CCNL2: variants seen among roughly 807,000 people sequenced by gnomAD.
CCNL2 encodes cyclin L2.
Under a neutral mutation model 59.1 loss-of-function variants are expected in CCNL2, and 28 were observed. The observed-to-expected ratio is 0.47, with a 90% CI of 0.35 to 0.65. The LOEUF (loss-of-function observed/expected upper bound fraction) is 0.65. CCNL2 is among the 30% of genes least tolerant of loss of function. CCNL2 has a pLI of 0.00. For synonymous variants in CCNL2, 342 were observed against 288.6 expected (o/e 1.19, Z -1.88); for missense variants, 714 against 717.4 (o/e 1.00, Z 0.05).
intron 1 of CCNL2, 64 bp downstream of exon 1, chr1:1,398,955 G>A: frequency 6.7e-7 from 1 of 1,495,028 alleles, no homozygotes; most frequent in African/African-American, 1.4e-5. Flanking sequence ...CCGACTCGCC[G>A]CCAACAAAGG....
intron 1 of CCNL2, 78 bp downstream of exon 1, chr1:1,398,941 G>C: frequency 6.8e-7 from 1 of 1,475,892 alleles, no homozygotes; most frequent in South Asian, 1.4e-5. Context: ...GGGGCGGTGC[G>C]GGCCCGACTC....
chr1:1,392,378 G>C (rs374736824), intron 5 of CCNL2: 1 of 1,067,998 alleles, frequency 9.4e-7, no homozygotes, highest in African/African-American at 1.7e-5. Context: ...TTACCAGAGC[G>C]TGTCATGCAA....
Position 1,398,594 on chromosome 1 carries a change from T to G in CCNL2, c.363+3A>C. ...GGGAATGAAGTGCAGGAGGAAGCCTTACCTCCATGGAGTGCTTCACGAAGG... is the reference window on the plus strand; with the variant it reads ...GGGAATGAAGTGCAGGAGGAAGCCTGACCTCCATGGAGTGCTTCACGAAGG... On this transcript the variant is annotated splice_donor_region_variant and intron_variant, in intron 2 of 10. Transcript: ENST00000400809. The G allele has an allele frequency of 3.1e-6, 5 of 1,613,530 alleles. No individual in the cohort carries two copies. Among genetic ancestry groups the G allele is most frequent in the Non-Finnish European group, 4.2e-6 (5 of 1,179,594 alleles).
At chr1:1,397,302 C>T (rs1471077176) in intron 3 of CCNL2, among the ~76,000 whole-genome samples, 1 of 151,990 alleles carries the variant, frequency 6.6e-6, no homozygotes, top group Admixed American at 6.6e-5. Flanking sequence ...AACAGACTTT[C>T]GTTTTTTTTG....
intron 10 of CCNL2, 69 bp downstream of exon 10, chr1:1,387,708 G>T: frequency 6.8e-7 from 1 of 1,463,332 alleles, no homozygotes; most frequent in Non-Finnish European, 9.4e-7. Context: ...ACCTCAGGGT[G>T]AGAATGATTA....
chr1:1,396,988 C>T (rs1645070536), intron 3 of CCNL2, among the ~76,000 whole-genome samples: 2 of 152,102 alleles, frequency 1.3e-5, no homozygotes, highest in South Asian at 4.1e-4. Flanking sequence ...ACCTCGTGAT[C>T]CACCCGCCTC....
At position 1,390,382 on chromosome 1, in the gene CCNL2, CAGA is replaced by C. The variant is rs750587025; in HGVS notation, c.865-14_865-12del. 12 of 1,612,110 alleles carry C rather than the reference CAGA, an allele frequency of 7.4e-6. No homozygotes were observed. Among genetic ancestry groups the C allele is most frequent in the East Asian group, 2.2e-5 (1 of 44,818 alleles). On this transcript the variant is annotated splice_polypyrimidine_tract_variant and intron_variant, in intron 7 of 10. Transcript: ENST00000400809. ...GTGTGTGAGATCAACCTGCAAAAGC[CAGA>C]AGGTGTCCGTTCAGAACCAGGTGTT...
Position 1,395,501 on chromosome 1 carries a change from G to C in CCNL2, c.487C>G (p.Leu163Val), listed in dbSNP as rs1212918919. 1.2e-6 allele frequency: 2 copies of C among 1,613,970 alleles called. No homozygotes were observed. The highest frequency in any genetic ancestry group is 2.7e-5 in the African/African-American group (2 of 74,904). The part of the protein sequence containing the change: ...QLRDKKKPVP[L>V]LLDQDYVNLK... ...TTAACATAATCTTGATCCAGTAGTA[G>C]AGGCACGGGCTTCCTGCCAGAGAGA... Residue 163 changes from leucine (L) to valine (V), a missense_variant, in exon 4 of 11, where the codon CTA becomes GTA. Transcript: ENST00000400809.
intron 5 of CCNL2, chr1:1,392,807 T>C: frequency 1.2e-6 from 2 of 1,612,612 alleles, no homozygotes; most frequent in Non-Finnish European, 1.7e-6. Flanking sequence ...GGCTACCCTT[T>C]GATTGAAAGA....
rs902002011 is a variant in CCNL2 at position 1,385,828 on chromosome 1, T to C, written c.*1403A>G. 6.6e-6 allele frequency: 1 copy of C among 152,180 alleles called. No homozygotes were observed. The highest frequency in any genetic ancestry group is 2.4e-5 in the African/African-American group (1 of 41,442). 9.4% of individuals were successfully genotyped at this position (152,180 alleles called of 1,614,324 possible). A position where few individuals can be genotyped will look rare whatever the true frequency, so the allele number is the denominator to read the frequency against. On this transcript the variant is annotated 3_prime_UTR_variant, in exon 11 of 11. Transcript: ENST00000400809. ...GTGTATGGCCCTTTACTGGTTCTCT[T>C]ACTTCCAGGCACAGGAAGCTAGGGG...
In CCNL2 at chr1:1,387,029, A is replaced by G; in HGVS notation, c.*202T>C. 1.8e-6 allele frequency: 1 copy of G among 558,534 alleles called. No homozygotes were observed. The highest frequency in any genetic ancestry group is 3.2e-6 in the Non-Finnish European group (1 of 316,130). The allele number at this position is 558,534 out of a possible 1,614,324, so 34.6% of individuals were successfully genotyped here. ...TGCGCCGCACCCCAGACCGGTCTGAAGCACGTGTCACCGGTCCCTCAGTTC... is the reference window on the plus strand; with the variant it reads ...TGCGCCGCACCCCAGACCGGTCTGAGGCACGTGTCACCGGTCCCTCAGTTC... On this transcript the variant is annotated 3_prime_UTR_variant, in exon 11 of 11. Coordinates refer to ENST00000400809, the MANE Select transcript of CCNL2 (RefSeq NM_030937.6).
chr1:1,392,630 C>G, intron 5 of CCNL2: 1 of 1,463,356 alleles, frequency 6.8e-7, no homozygotes, highest in South Asian at 1.4e-5. Flanking sequence ...GAAGCACAAT[C>G]GTCAGAGAAC....
At chr1:1,392,849 T>C (rs750017885) in intron 5 of CCNL2, 8 of 1,589,244 alleles carry the variant, frequency 5.0e-6, no homozygotes, top group Middle Eastern at 1.7e-4. Context: ...ATAGGTTCTC[T>C]ATTAAACATG....
chr1:1,392,833 G>C, intron 5 of CCNL2: 3 of 1,608,094 alleles, frequency 1.9e-6, no homozygotes, highest in South Asian at 2.2e-5. Flanking sequence ...GAAAAGAAAA[G>C]TCAAAATAGG....
chr1:1,391,078 A>C, intron 5 of CCNL2: 2 of 1,087,048 alleles, frequency 1.8e-6, no homozygotes, highest in Non-Finnish European at 2.4e-6. Flanking sequence ...ACAGAAAGGC[A>C]CAGAAATTAT....
intron 4 of CCNL2, among the ~76,000 whole-genome samples, 159 bp from the exon 5 acceptor site, chr1:1,393,619 G>A (rs990054222): frequency 6.6e-6 from 1 of 152,212 alleles, no homozygotes; most frequent in Non-Finnish European, 1.5e-5. Context: ...GGAGCTTTGC[G>A]ATTGCACCTG....
chr1:1,392,498 T>G, intron 5 of CCNL2: 1 of 1,266,622 alleles, frequency 7.9e-7, no homozygotes, highest in South Asian at 2.7e-5. Flanking sequence ...CATTTTTTTT[T>G]AAGAGAAAGG....
chr1:1,393,184 G>C, intron 5 of CCNL2: 2 of 592,660 alleles, frequency 3.4e-6, no homozygotes, highest in Non-Finnish European at 6.0e-6. Flanking sequence ...AGGAAGTCCA[G>C]GCTTGCAGGG....
intron 5 of CCNL2, 84 bp downstream of exon 5, chr1:1,393,312 G>A (rs1364529297): frequency 1.8e-6 from 2 of 1,101,600 alleles, no homozygotes; most frequent in Non-Finnish European, 1.4e-6. Context: ...TCACTGGGCT[G>A]CCTACCCACT....
Sources: gnomAD v4.1 joint callset for allele counts (sites outside exome capture counted in the v4.1 genomes callset) on GRCh38, gnomAD v4.1.1 for gene constraint, MANE v1.5 for transcripts, NCBI Gene and HGNC (gene_info 2026-07-23, HGNC 2026-07-21) for gene names.